Variants in ACAD11 observed in about 807,000 individuals in gnomAD.
ACAD11 encodes acyl-CoA dehydrogenase family member 11.
ACAD11 carries 83 observed loss-of-function variants against 102.2 expected under a neutral mutation model. The observed-to-expected ratio is 0.81, with a 90% CI of 0.68 to 0.97. The LOEUF (loss-of-function observed/expected upper bound fraction) is 0.97, where lower values mean the gene tolerates loss of function less well. Ranked by LOEUF, ACAD11 falls within the 50% of genes least tolerant of loss-of-function variation. The probability of loss-of-function intolerance (pLI) is 0.00; values close to 1 mark genes in which losing one functional copy is unlikely to be tolerated. For missense variants in ACAD11, 901 were observed against 951.7 expected (o/e 0.95, Z 0.70); for synonymous variants, 324 against 319.8 (o/e 1.01, Z -0.14).
intron 5 of ACAD11, among the ~76,000 whole-genome samples, chr3:132,638,626 T>G (rs2107879182): frequency 6.6e-6 from 1 of 152,336 alleles, no homozygotes; most frequent in Non-Finnish European, 1.5e-5. Context: ...TAATTTGTTA[T>G]CTACTATAGA....
At position 132,618,618 on chromosome 3, in the gene ACAD11, C is replaced by T. The variant is rs1939499243; in HGVS notation, c.1414+16G>A. 1 of 1,539,116 alleles carries T rather than the reference C, an allele frequency of 6.5e-7. No homozygotes were observed. Among genetic ancestry groups the T allele is most frequent in the Non-Finnish European group, 8.7e-7 (1 of 1,149,982 alleles). ...AAAATATTAGAAAAAATTATGTTTT[C>T]AATTAATGTAGTAACCTGGTGCTTG... On this transcript the variant is annotated intron_variant, in intron 11 of 19. Transcript: ENST00000264990.
At chr3:132,635,051 C>T (rs2369807) in intron 5 of ACAD11, among the ~76,000 whole-genome samples, 84,433 of 148,946 alleles carry the variant, frequency 0.57, 26,640 homozygotes, top group East Asian at 0.89. Flanking sequence ...ACTTAAAGTA[C>T]AATAAAAAAT....
chr3:132,605,143 C>T lies in ACAD11; in HGVS notation c.1477G>A (p.Glu493Lys). The stretch of plus-strand genomic sequence containing the variant: ...GTAATGTTCCCTTGAAGAAGAGGCT[C>T]AAGCCACTGTTTCTTCTGTTCCTCA... ...GSEEQKKQWL[E>K]PLLQGNITSC... The change falls in exon 12 of 20, where the codon GAG becomes AAG. Residue 493 changes from glutamate (E) to lysine (K), a missense_variant. Coordinates refer to ENST00000264990, the MANE Select transcript of ACAD11 (RefSeq NM_032169.5). The T allele has an allele frequency of 6.2e-7, 1 of 1,612,942 alleles. No individual in the cohort carries two copies. Among genetic ancestry groups the T allele is most frequent in the Non-Finnish European group, 8.5e-7 (1 of 1,179,574 alleles).
In ACAD11 at chr3:132,659,759, C is replaced by A. The variant is rs1182400630; in HGVS notation, c.-8G>T. The A allele has an allele frequency of 1.9e-6, 3 of 1,584,702 alleles. No homozygotes were observed. The African/African-American group carries it at 4.1e-5, about 22-fold the overall frequency. On this transcript the variant is annotated 5_prime_UTR_variant, in exon 1 of 20. Transcript: ENST00000264990. ...AGTAGCACCTGGCTTCATGATCACC[C>A]CCGCAGGCCACAGCAACGCGGCATC... is the stretch of plus-strand genomic sequence containing the variant.
chr3:132,581,917 G>T (rs1937604159), intron 13 of ACAD11, among the ~76,000 whole-genome samples: 1 of 151,972 alleles, frequency 6.6e-6, no homozygotes, highest in Non-Finnish European at 1.5e-5. Context: ...CAGTTATCCT[G>T]TAGTCAACTA....
Position 132,594,958 on chromosome 3 carries a change from A to G in ACAD11, c.1621+8271T>C, listed in dbSNP as rs542235755. ...AGGTATTATTCTTGGTACTCGGGAT[A>G]TATCAATGAACAAAGCAAACAAAAG... On this transcript the variant is annotated intron_variant, in intron 13 of 19. Transcript: ENST00000264990. Among the ~76,000 whole-genome samples, 4 of 152,316 alleles carry G rather than the reference A, an allele frequency of 2.6e-5. No homozygotes were observed. The East Asian group carries it at 7.7e-4, about 29-fold the overall frequency.
chr3:132,628,319 C>T, intron 8 of ACAD11, 21 bp downstream of exon 8: 1 of 1,568,792 alleles, frequency 6.4e-7, no homozygotes, highest in Middle Eastern at 1.7e-4. Context: ...TTGAGTTAGC[C>T]AAGGAATCTG....
chr3:132,584,253 T>C (rs1010857345), intron 13 of ACAD11, among the ~76,000 whole-genome samples: 1 of 152,194 alleles, frequency 6.6e-6, no homozygotes, highest in Non-Finnish European at 1.5e-5. Flanking sequence ...CTATATCGGG[T>C]GCATATATAT....
chr3:132,638,117 G>A (rs1940342994), intron 5 of ACAD11, among the ~76,000 whole-genome samples: 1 of 152,130 alleles, frequency 6.6e-6, no homozygotes, highest in Non-Finnish European at 1.5e-5. Context: ...ATGGAAAAAT[G>A]AGGGTACCTG....
At chr3:132,595,560 A>G (rs1376464111) in intron 13 of ACAD11, among the ~76,000 whole-genome samples, 2 of 152,198 alleles carry the variant, frequency 1.3e-5, no homozygotes, top group Non-Finnish European at 2.9e-5. Context: ...TGCATCTGAC[A>G]AAGGTCTAAT....
intron 13 of ACAD11, among the ~76,000 whole-genome samples, chr3:132,584,700 C>A (rs929611882): frequency 1.3e-5 from 2 of 151,820 alleles, no homozygotes; most frequent in African/African-American, 4.8e-5. Context: ...GCTGGTACCA[C>A]TTTTTCCTTT....
At chr3:132,620,120 T>A (rs1478650524) in intron 9 of ACAD11, among the ~76,000 whole-genome samples, 1 of 152,220 alleles carries the variant, frequency 6.6e-6, no homozygotes, top group African/African-American at 2.4e-5. Context: ...AAAGCTAGGC[T>A]GCTTGATGGG....
At chr3:132,583,966 G>A (rs1386512894) in intron 13 of ACAD11, among the ~76,000 whole-genome samples, 2 of 152,140 alleles carry the variant, frequency 1.3e-5, no homozygotes, top group African/African-American at 2.4e-5. Flanking sequence ...GCTGAGAAGT[G>A]CTTTACTTCC....
intron 11 of ACAD11, among the ~76,000 whole-genome samples, chr3:132,607,060 A>G (rs1353825534): frequency 6.6e-6 from 1 of 152,176 alleles, no homozygotes; most frequent in Non-Finnish European, 1.5e-5. Context: ...AAGGAAAACT[A>G]ACAAACAGGA....
At chr3:132,647,783 G>T (rs1231914022) in intron 1 of ACAD11, among the ~76,000 whole-genome samples, 1 of 152,114 alleles carries the variant, frequency 6.6e-6, no homozygotes, top group Middle Eastern at 3.2e-3. Context: ...ACCATAGACT[G>T]GGTAGCTTAT....
intron 13 of ACAD11, among the ~76,000 whole-genome samples, chr3:132,593,055 TA>T (rs1264277562): frequency 6.6e-6 from 1 of 151,304 alleles, no homozygotes; most frequent in Non-Finnish European, 1.5e-5. Context: ...AACCAAGACA[TA>T]AAAAAACTAG....
intron 13 of ACAD11, among the ~76,000 whole-genome samples, chr3:132,588,920 GTA>G (rs1383190574): frequency 6.6e-6 from 1 of 152,150 alleles, no homozygotes; most frequent in African/African-American, 2.4e-5. Context: ...TGGTCTGAAT[GTA>G]TATGTCACCC....
intron 4 of ACAD11, 135 bp downstream of exon 4, chr3:132,641,837 G>C: frequency 1.4e-6 from 1 of 722,896 alleles, no homozygotes. Flanking sequence ...CTAAAAACTA[G>C]TCATTCTGAA....
chr3:132,576,019 C>T, intron 16 of ACAD11, 93 bp from the exon 17 acceptor site: 2 of 1,442,774 alleles, frequency 1.4e-6, no homozygotes, highest in Non-Finnish European at 1.9e-6. Context: ...AGATGAGCTG[C>T]CCTTAATAAA....
Sources: allele counts gnomAD v4.1 joint callset (sites outside exome capture counted in the v4.1 genomes callset), GRCh38; gene constraint gnomAD v4.1.1; transcripts MANE v1.5; gene names NCBI Gene and HGNC (gene_info 2026-07-23, HGNC 2026-07-21).